The following WNK3 variants were observed in gnomAD, a reference collection of about 807,000 sequenced individuals.
The protein encoded by WNK3 is WNK lysine deficient protein kinase 3, also known as serine/threonine-protein kinase WNK3.
Under a neutral mutation model 116.7 loss-of-function variants are expected in WNK3, and 18 were observed. That is an observed-to-expected ratio of 0.15 (90% CI 0.11 to 0.23). WNK3 has a LOEUF of 0.23. Ranked by LOEUF, WNK3 falls within the 10% of genes least tolerant of loss-of-function variation. The pLI, the probability that WNK3 is intolerant of heterozygous loss-of-function variation, is 1.00. For missense variants in WNK3, 993 were observed against 1,323.8 expected (o/e 0.75, Z 3.88); for synonymous variants, 404 against 469.4 (o/e 0.86, Z 1.80).
At chrX:54,264,257 C>T (rs1246903712) in intron 10 of WNK3, among the ~76,000 whole-genome samples, 2 of 108,229 alleles carry the variant, frequency 1.8e-5, no homozygotes, top group African/African-American at 6.7e-5. Context: ...TGTTTGAACC[C>T]GGGAGGTGGA....
At chrX:54,221,842 A>C (rs2067765690) in intron 22 of WNK3, among the ~76,000 whole-genome samples, 1 of 109,739 alleles carries the variant, frequency 9.1e-6, no homozygotes, top group South Asian at 4.0e-4. Context: ...TTAAAAAAAA[A>C]CCAACCAACC....
At chrX:54,349,515 C>T (rs2069483503) in intron 1 of WNK3, among the ~76,000 whole-genome samples, 2 of 111,513 alleles carry the variant, frequency 1.8e-5, no homozygotes, top group Admixed American at 1.9e-4. Flanking sequence ...TGGAAAGACC[C>T]AATATCAACA....
chrX:54,223,410 T>C (rs949246847), intron 22 of WNK3: 1 of 114,714 alleles, frequency 8.7e-6, no homozygotes, highest in Non-Finnish European at 1.8e-5. Context: ...AGGTGATGAA[T>C]CCCGTTTGAG....
chrX:54,271,731 A>C (rs1221479236), intron 10 of WNK3, among the ~76,000 whole-genome samples: 1 of 112,066 alleles, frequency 8.9e-6, no homozygotes, highest in Non-Finnish European at 1.9e-5. Context: ...GTAATCCGCA[A>C]ATAATCAGTC....
At chrX:54,272,589 C>T (rs1485229027) in intron 10 of WNK3, among the ~76,000 whole-genome samples, 1 of 112,158 alleles carries the variant, frequency 8.9e-6, no homozygotes, top group African/African-American at 3.2e-5. Context: ...ATAATATTCA[C>T]TCACAGTAGG....
At chrX:54,330,872 G>C (rs1202799092) in intron 2 of WNK3, among the ~76,000 whole-genome samples, 1 of 110,149 alleles carries the variant, frequency 9.1e-6, no homozygotes, top group African/African-American at 3.3e-5. Context: ...AATTAGCCAG[G>C]AGTGGTGGCA....
chrX:54,343,321 A>G (rs1371596189), intron 1 of WNK3, among the ~76,000 whole-genome samples: 1 of 110,476 alleles, frequency 9.1e-6, no homozygotes, highest in Admixed American at 9.8e-5. Flanking sequence ...AGCCTGGCCA[A>G]GCTGATGAAA....
chrX:54,320,841 T>C (rs1557172082), intron 2 of WNK3, among the ~76,000 whole-genome samples: 2 of 111,160 alleles, frequency 1.8e-5, no homozygotes, highest in African/African-American at 3.3e-5. Context: ...CTACCATTTA[T>C]TGAACACTAA....
chrX:54,233,105 G>A lies in WNK3; in HGVS notation c.4629-85C>T. ...GAAACTCTAAACCAGTATAAGTAAA[G>A]TTTAACAAGGAATTTAGATTAAGAA... On this transcript the variant is annotated intron_variant, in intron 20 of 23. Coordinates refer to ENST00000354646, the Ensembl canonical transcript of WNK3. 3 of 722,814 alleles carry A rather than the reference G, an allele frequency of 4.2e-6. No homozygotes were observed. In the South Asian group the frequency reaches 7.9e-5, roughly 19 times the overall value. 59.6% of individuals were successfully genotyped at this position (722,814 alleles called of 1,213,427 possible). A position where few individuals can be genotyped will look rare whatever the true frequency, so the allele number is the denominator to read the frequency against.
chrX:54,325,679 CAAAAAAAAAAAAAAAA>C (rs57064020), intron 2 of WNK3, among the ~76,000 whole-genome samples: 1 of 11,311 alleles, frequency 8.8e-5, no homozygotes, highest in South Asian at 8.6e-3. Context: ...AACTCCCTCT[CAAAAAAAAAAAAAAAA>C]AAAAAAAAAA....
exon 24 of WNK3, chrX:54,198,647 G>A (rs1603369560): frequency 1.7e-6 from 2 of 1,169,738 alleles, no homozygotes. Context: ...ATAGTAGACG[G>A]AGTATTCTAA....
At chrX:54,225,142 G>T (rs1329634891) in intron 22 of WNK3, among the ~76,000 whole-genome samples, 1 of 108,744 alleles carries the variant, frequency 9.2e-6, no homozygotes, top group Non-Finnish European at 1.9e-5. Flanking sequence ...AGCTACTTGG[G>T]AGTCTGAGGC....
At chrX:54,215,989 G>A (rs1409668889) in intron 22 of WNK3, among the ~76,000 whole-genome samples, 63 of 110,721 alleles carry the variant, frequency 5.7e-4, no homozygotes, top group African/African-American at 1.9e-3. Flanking sequence ...CCCCAACCCC[G>A]TGCTCTCTGA....
intron 23 of WNK3, 68 bp downstream of exon 23, chrX:54,201,923 G>T: frequency 1.1e-6 from 1 of 944,947 alleles, no homozygotes; most frequent in Non-Finnish European, 1.5e-6. Flanking sequence ...GTAACTATAG[G>T]CCTAAGCGCA....
At chrX:54,252,669 C>CAA (rs56273481) in intron 13 of WNK3, among the ~76,000 whole-genome samples, 8 of 50,929 alleles carry the variant, frequency 1.6e-4, no homozygotes, top group Admixed American at 5.6e-4. Flanking sequence ...GACTCTGTCT[C>CAA]AAAAAAAAAA....
chrX:54,240,251 C>T (rs915633994), intron 17 of WNK3, among the ~76,000 whole-genome samples: 51 of 108,499 alleles, frequency 4.7e-4, no homozygotes, highest in African/African-American at 1.6e-3. Context: ...TGCAATGAGC[C>T]GAGATCGCAC....
At chrX:54,341,743 A>ATTTG (rs782664510) in intron 1 of WNK3, among the ~76,000 whole-genome samples, 5 of 112,020 alleles carry the variant, frequency 4.5e-5, no homozygotes, top group African/African-American at 1.6e-4. Flanking sequence ...TGTCCAGAAA[A>ATTTG]TACAAAACTA....
intron 10 of WNK3, among the ~76,000 whole-genome samples, chrX:54,261,220 C>T (rs1446201170): frequency 9.1e-6 from 1 of 109,534 alleles, no homozygotes; most frequent in Non-Finnish European, 1.9e-5. Flanking sequence ...TTACAGTGAC[C>T]TATGATTACA....
chrX:54,301,592 C>T (rs988902882), intron 6 of WNK3, among the ~76,000 whole-genome samples, 179 bp downstream of exon 6: 1 of 111,373 alleles, frequency 9.0e-6, no homozygotes, highest in African/African-American at 3.3e-5. Flanking sequence ...AAATTCAGCA[C>T]ATGATATCCA....
Sources: gnomAD v4.1 joint callset for allele counts (sites outside exome capture counted in the v4.1 genomes callset) on GRCh38, gnomAD v4.1.1 for gene constraint, MANE v1.5 for transcripts, NCBI Gene and HGNC (gene_info 2026-07-23, HGNC 2026-07-21) for gene names.